The following TFDP1 variants were observed in gnomAD, a reference collection of about 807,000 sequenced individuals.
TFDP1 encodes DRTF1-polypeptide 1.
Under a neutral mutation model 48.0 loss-of-function variants are expected in TFDP1, and 6 were observed. The ratio of observed to expected loss-of-function variants is 0.13; its 90% CI spans 0.07 to 0.25. TFDP1 has a LOEUF of 0.25. Ranked by LOEUF, TFDP1 falls within the 10% of genes least tolerant of loss-of-function variation. The pLI, the probability that TFDP1 is intolerant of heterozygous loss-of-function variation, is 1.00. For synonymous variants in TFDP1, 201 were observed against 211.6 expected (o/e 0.95, Z 0.44); for missense variants, 335 against 543.0 (o/e 0.62, Z 3.81).
At chr13:113,591,212 G>A (rs1227907991) in intron 2 of TFDP1, among the ~76,000 whole-genome samples, 2 of 150,436 alleles carry the variant, frequency 1.3e-5, no homozygotes, top group Non-Finnish European at 3.0e-5. Context: ...CGTGGTGGCG[G>A]GCGCCTGTAA....
intron 2 of TFDP1, among the ~76,000 whole-genome samples, chr13:113,593,763 C>T (rs557566136): frequency 6.9e-5 from 10 of 145,676 alleles, no homozygotes; most frequent in South Asian, 2.2e-4. Flanking sequence ...GGTCCTCAGC[C>T]GTGCCCAGGT....
In TFDP1 at chr13:113,640,100, A is replaced by G. The variant is rs758891577; in HGVS notation, c.1086-20A>G. ...GTGGGCCGCCTGCACTGACGGCGCC[A>G]TCCGCCTCCTGCCTTGCAGTGACCT... On this transcript the variant is annotated intron_variant, in intron 11 of 11. Coordinates refer to ENST00000375370, the MANE Select transcript of TFDP1 (RefSeq NM_007111.5). 2 of 1,571,964 alleles carry G rather than the reference A, an allele frequency of 1.3e-6. No homozygotes were observed. Among genetic ancestry groups the G allele is most frequent in the Admixed American group, 1.9e-5 (1 of 51,514 alleles).
chr13:113,627,995 A>G lies in TFDP1; in HGVS notation c.187-3628A>G, dbSNP rs2049228330. Among the ~76,000 whole-genome samples the G allele has an allele frequency of 6.6e-6, 1 of 151,718 alleles. No individual in the cohort carries two copies. The highest frequency in any genetic ancestry group is 1.5e-5 in the Non-Finnish European group (1 of 68,022). Reference sequence around the variant, plus strand: ...AAGGTGGACCTCCGGCAGGTCCTCTACTGTGGGATGCTTCCACCTGGAGCT... The same window carrying G: ...AAGGTGGACCTCCGGCAGGTCCTCTGCTGTGGGATGCTTCCACCTGGAGCT... On this transcript the variant is annotated intron_variant, in intron 4 of 11. Transcript: ENST00000375370. This position sits in a 1 kb window ranked among gnomAD's most constrained non-coding sequence, Gnocchi z 4.1.
intron 2 of TFDP1, among the ~76,000 whole-genome samples, chr13:113,589,552 T>C (rs1012443868): frequency 3.9e-5 from 6 of 152,196 alleles, no homozygotes; most frequent in African/African-American, 7.2e-5. Context: ...TGAACTGTCC[T>C]CGAAACATCT....
At chr13:113,618,875 A>G (rs2140453323) in intron 3 of TFDP1, among the ~76,000 whole-genome samples, 1 of 152,376 alleles carries the variant, frequency 6.6e-6, no homozygotes. Context: ...GAATTGCAGA[A>G]TGCGAGCCAT....
At chr13:113,586,103 T>C in intron 2 of TFDP1, 1 of 391,880 alleles carries the variant, frequency 2.6e-6, no homozygotes, top group Non-Finnish European at 4.5e-6. Flanking sequence ...CTTCTGACTT[T>C]TTCCTTATCT....
At position 113,616,433 on chromosome 13, in the gene TFDP1, G is replaced by A. The variant is rs532075494; in HGVS notation, c.79+5371G>A. On this transcript the variant is annotated intron_variant, in intron 3 of 11. Transcript: ENST00000375370. ...TTAACATAGTAAATCCGTGGAGAGC[G>A]CTCAGGTACAGATCATGGCTGTGTG... Among the ~76,000 whole-genome samples, 4 of 152,230 alleles carry A rather than the reference G, an allele frequency of 2.6e-5. No homozygotes were observed. The South Asian group carries it at 6.2e-4, about 24-fold the overall frequency.
Position 113,633,555 on chromosome 13 carries a change from C to T in TFDP1, c.474+270C>T, listed in dbSNP as rs755313881. ...CAAGTACAGCATAAAAGAATTTTTC[C>T]GATCCATTTGCTGGCACGATGCTTT... On this transcript the variant is annotated intron_variant, in intron 6 of 11. Coordinates refer to ENST00000375370, the MANE Select transcript of TFDP1 (RefSeq NM_007111.5). This position sits in a 1 kb window ranked among gnomAD's most constrained non-coding sequence, Gnocchi z 4.5. 4.6e-5 allele frequency among the ~76,000 whole-genome samples: 7 copies of T among 152,210 alleles called. No individual in the cohort carries two copies. The highest frequency in any genetic ancestry group is 8.8e-5 in the Non-Finnish European group (6 of 68,040).
chr13:113,599,681 C>G (rs1305189983), intron 2 of TFDP1, among the ~76,000 whole-genome samples: 1 of 152,188 alleles, frequency 6.6e-6, no homozygotes, highest in East Asian at 1.9e-4. Context: ...TCCCACCTTG[C>G]GAGGCCCAAG....
chr13:113,617,400 C>T (rs12871443), intron 3 of TFDP1, among the ~76,000 whole-genome samples: 9,824 of 151,568 alleles, frequency 0.065, 934 homozygotes, highest in African/African-American at 0.21. Context: ...ATGCTGCTTG[C>T]GAGCCAGTCA....
intron 10 of TFDP1, chr13:113,637,511 ATTCGGTTCCG>A: frequency 1.1e-5 from 13 of 1,145,778 alleles, no homozygotes; most frequent in Non-Finnish European, 1.5e-5. Flanking sequence ...TGACACTTTG[ATTCGGTTCCG>A]TTTCACGATG....
At chr13:113,635,596 C>T (rs1254630070) in intron 8 of TFDP1, among the ~76,000 whole-genome samples, 1 of 152,142 alleles carries the variant, frequency 6.6e-6, no homozygotes, top group African/African-American at 2.4e-5. Flanking sequence ...GGGCAAAGTC[C>T]ACGGCACGGC....
intron 2 of TFDP1, among the ~76,000 whole-genome samples, chr13:113,593,999 A>AG (rs202173334): frequency 1.6e-5 from 2 of 121,496 alleles, no homozygotes. Context: ...GTGGGTCCTC[A>AG]CCCTGCCCAG....
chr13:113,637,754 T>C, intron 10 of TFDP1, 64 bp from the exon 11 acceptor site: 1 of 1,613,992 alleles, frequency 6.2e-7, no homozygotes, highest in Non-Finnish European at 8.5e-7. Context: ...ATTTTGTTGG[T>C]TGCCTGTGCG....
chr13:113,592,103 C>G (rs1250347288), intron 2 of TFDP1, among the ~76,000 whole-genome samples: 1 of 152,198 alleles, frequency 6.6e-6, no homozygotes. Flanking sequence ...TTTTGAGACT[C>G]AAGGATGAAG....
At chr13:113,600,384 A>C (rs1419689493) in intron 2 of TFDP1, among the ~76,000 whole-genome samples, 1 of 148,540 alleles carries the variant, frequency 6.7e-6, no homozygotes, top group Non-Finnish European at 1.5e-5. Context: ...TAGAGAACCC[A>C]GGACCGTAAG....
In TFDP1 at chr13:113,627,193, G is replaced by A. The variant is rs186034409; in HGVS notation, c.186+3907G>A. ...TCCGGGCATGTGAGTGAAAGCGGTG[G>A]GGAGGTCCTTAGGTCTCTGACCTGC... On this transcript the variant is annotated intron_variant, in intron 4 of 11. Coordinates refer to ENST00000375370, the MANE Select transcript of TFDP1 (RefSeq NM_007111.5). The surrounding 1 kb of genome is among the most constrained non-coding windows in gnomAD (Gnocchi z 4.1). 1.1e-3 allele frequency among the ~76,000 whole-genome samples: 171 copies of A among 152,338 alleles called. No individual in the cohort carries two copies. The highest frequency in any genetic ancestry group is 2.0e-3 in the Non-Finnish European group (136 of 68,030).
intron 3 of TFDP1, among the ~76,000 whole-genome samples, chr13:113,620,488 T>C (rs1262562819): frequency 6.6e-6 from 1 of 152,268 alleles, no homozygotes; most frequent in Non-Finnish European, 1.5e-5. Flanking sequence ...AAAGATGTTA[T>C]CTTTGTAATG....
intron 2 of TFDP1, among the ~76,000 whole-genome samples, chr13:113,594,359 A>G (rs1286762896): frequency 3.9e-5 from 5 of 129,198 alleles, no homozygotes; most frequent in African/African-American, 1.5e-4. Flanking sequence ...CCTCAGCTAT[A>G]CACAGGTGTC....
Sources: allele counts gnomAD v4.1 joint callset (sites outside exome capture counted in the v4.1 genomes callset), GRCh38; gene constraint gnomAD v4.1.1; non-coding constraint Gnocchi (gnomAD v3.1); transcripts MANE v1.5; gene names NCBI Gene and HGNC (gene_info 2026-07-23, HGNC 2026-07-21).